SLC8A3: variants seen among roughly 807,000 people sequenced by gnomAD.
SLC8A3 encodes solute carrier family 8 member A3.
A neutral mutation model predicts 65.4 loss-of-function variants in SLC8A3; 37 were observed. The ratio of observed to expected loss-of-function variants is 0.57; its 90% confidence interval spans 0.44 to 0.74. SLC8A3 has a LOEUF of 0.74. SLC8A3 is among the 30% of genes least tolerant of loss of function. SLC8A3 has a pLI of 0.00. For missense variants in SLC8A3, 1,112 were observed against 1,172.1 expected, an observed-to-expected ratio of 0.95 and a Z score of 0.75; for synonymous variants, 461 against 444.5, an observed-to-expected ratio of 1.04 and a Z score of -0.47.
intron 2 of SLC8A3, among the ~76,000 whole-genome samples, chr14:70,166,390 A>T (rs925951074): frequency 6.6e-6 from 1 of 152,204 alleles, no homozygotes; most frequent in Non-Finnish European, 1.5e-5. Flanking sequence ...CAGAGAAGAA[A>T]ATGTTTTGTG....
At chr14:70,143,203 G>A (rs1306851801) in intron 2 of SLC8A3, among the ~76,000 whole-genome samples, 1 of 152,168 alleles carries the variant, frequency 6.6e-6, no homozygotes, top group Non-Finnish European at 1.5e-5. Context: ...TAAGTTTTGA[G>A]GGCCTAGCCC....
chr14:70,050,851 G>T (rs764094895), intron 5 of SLC8A3, among the ~76,000 whole-genome samples, 157 bp downstream of exon 5: 4 of 152,092 alleles, frequency 2.6e-5, no homozygotes, highest in Non-Finnish European at 5.9e-5. Flanking sequence ...TTTCAGATAC[G>T]CCATGATTCT....
chr14:70,098,221 T>C (rs1892316009), intron 2 of SLC8A3, among the ~76,000 whole-genome samples: 1 of 152,186 alleles, frequency 6.6e-6, no homozygotes, highest in Non-Finnish European at 1.5e-5. Context: ...ACCAGCCTCA[T>C]GCTCCCAAAA....
At chr14:70,092,678 G>A (rs1891885664) in intron 2 of SLC8A3, among the ~76,000 whole-genome samples, 1 of 152,182 alleles carries the variant, frequency 6.6e-6, no homozygotes, top group South Asian at 2.1e-4. Context: ...AACTGAAGAT[G>A]TGGGTCTGAG....
chr14:70,145,155 A>C lies in SLC8A3; in HGVS notation c.1784+21484T>G, dbSNP rs954890158. Among the ~76,000 whole-genome samples the C allele has an allele frequency of 2.0e-5, 3 of 152,248 alleles. No individual in the cohort carries two copies. The East Asian group carries it at 5.8e-4, about 29-fold the overall frequency. The stretch of plus-strand genomic sequence containing the variant: ...TAATTCTTATTATAAGATGTGGTTC[A>C]TATGAGGCATGAAAATTTATTGGAT... On this transcript the variant is annotated intron_variant, in intron 2 of 6. Transcript: ENST00000356921.
intron 1 of SLC8A3, among the ~76,000 whole-genome samples, chr14:70,179,829 T>C (rs972670716): frequency 5.9e-5 from 9 of 152,322 alleles, no homozygotes; most frequent in African/African-American, 1.9e-4. Flanking sequence ...ATTTAATCCT[T>C]CTTATGAGGA....
At chr14:70,120,369 T>C (rs2140179298) in intron 2 of SLC8A3, among the ~76,000 whole-genome samples, 1 of 152,332 alleles carries the variant, frequency 6.6e-6, no homozygotes, top group Non-Finnish European at 1.5e-5. Context: ...ACTTCTGAGT[T>C]TGAAGGTGGG....
chr14:70,114,100 G>A (rs187815982), intron 2 of SLC8A3, among the ~76,000 whole-genome samples: 5 of 152,262 alleles, frequency 3.3e-5, no homozygotes, highest in Non-Finnish European at 1.5e-5. Context: ...CCAGGTTATT[G>A]GATACTTAGA....
At chr14:70,090,592 G>T (rs1891737383) in intron 2 of SLC8A3, among the ~76,000 whole-genome samples, 1 of 152,128 alleles carries the variant, frequency 6.6e-6, no homozygotes, top group Non-Finnish European at 1.5e-5. Context: ...ATTCCTTCCT[G>T]CCACAGGAAG....
chr14:70,095,023 T>C (rs1594973988), intron 2 of SLC8A3, among the ~76,000 whole-genome samples: 1 of 152,224 alleles, frequency 6.6e-6, no homozygotes, highest in Non-Finnish European at 1.5e-5. Flanking sequence ...ACTAGCTGCT[T>C]ACCCTCTGAG....
rs139513175 is a variant in SLC8A3 at position 70,187,273 on chromosome 14, A to AAGAGAGAGAGAGAGAG, written c.-63+1090_-63+1105dup. 3.4e-5 allele frequency: 5 copies of AAGAGAGAGAGAGAGAG among 146,804 alleles called. 1 individual carries two copies. The East Asian group carries it at 9.8e-4, about 29-fold the overall frequency. The allele number at this position is 146,804 out of a possible 1,614,324, so 9.1% of individuals were successfully genotyped here. ...GCCAGGAAAGGGGGAGAGAGAGAGAAAGAGAGAGAGAGAGAGAGAGGAAAG... is the reference window on the plus strand; with the variant it reads ...GCCAGGAAAGGGGGAGAGAGAGAGAAAGAGAGAGAGAGAGAGAGAGAGAGAGAGAGAGAGAGGAAAG... On this transcript the variant is annotated intron_variant, in intron 1 of 6. Coordinates refer to ENST00000356921, the MANE Select transcript of SLC8A3 (RefSeq NM_182932.3).
chr14:70,092,810 G>C (rs577003137), intron 2 of SLC8A3, among the ~76,000 whole-genome samples: 1 of 152,136 alleles, frequency 6.6e-6, no homozygotes, highest in Non-Finnish European at 1.5e-5. Flanking sequence ...ATCATCCCTG[G>C]AACTTTCTTT....
intron 1 of SLC8A3, among the ~76,000 whole-genome samples, chr14:70,171,229 T>A (rs1238687283): frequency 1.3e-5 from 2 of 151,888 alleles, no homozygotes; most frequent in Non-Finnish European, 2.9e-5. Flanking sequence ...AGAGGGTGAG[T>A]ATCCATGGGG....
At chr14:70,080,075 T>C (rs1890920703) in intron 2 of SLC8A3, 1 of 985,072 alleles carries the variant, frequency 1.0e-6, no homozygotes, top group South Asian at 4.7e-5. Context: ...CAAGTGATGG[T>C]TCCCTTTCCT....
chr14:70,072,806 C>T (rs1594937106), intron 2 of SLC8A3, among the ~76,000 whole-genome samples: 1 of 152,166 alleles, frequency 6.6e-6, no homozygotes, highest in Non-Finnish European at 1.5e-5. Flanking sequence ...CGCCACTAAA[C>T]CCAGCTAATT....
chr14:70,046,466 CT>C lies in SLC8A3; in HGVS notation c.2390-144del. On this transcript the variant is annotated intron_variant, in intron 6 of 6. Transcript: ENST00000356921. The surrounding 1 kb of genome is among the most constrained non-coding windows in gnomAD (Gnocchi z 4.2). Reference sequence around the variant, plus strand: ...AGGGCTAGGGGGCCACTCCTAACTCCTAGTTCTGCCGCAAGCAAGCCGTGTG... The same window carrying C: ...AGGGCTAGGGGGCCACTCCTAACTCCAGTTCTGCCGCAAGCAAGCCGTGTG... 2 of 788,224 alleles carry C rather than the reference CT, an allele frequency of 2.5e-6. No individual in the cohort carries two copies. The highest frequency in any genetic ancestry group is 3.8e-5 in the South Asian group (2 of 52,248). 48.8% of individuals were successfully genotyped at this position (788,224 alleles called of 1,614,324 possible).
chr14:70,169,359 T>G (rs1165566603), intron 1 of SLC8A3, among the ~76,000 whole-genome samples: 1 of 152,132 alleles, frequency 6.6e-6, no homozygotes, highest in African/African-American at 2.4e-5. Context: ...AAAACCTGCT[T>G]ATGAGCAGTT....
chr14:70,109,183 CA>C (rs1468338068), intron 2 of SLC8A3, among the ~76,000 whole-genome samples: 2 of 141,522 alleles, frequency 1.4e-5, no homozygotes, highest in African/African-American at 5.3e-5. Context: ...CAGTTACTGG[CA>C]TGCAGAAGGT....
chr14:70,066,538 C>T (rs777691041), intron 2 of SLC8A3, among the ~76,000 whole-genome samples: 6 of 152,122 alleles, frequency 3.9e-5, no homozygotes, highest in Non-Finnish European at 5.9e-5. Context: ...TTGGCCAGCG[C>T]GGTGCCTCAC....
Sources: allele counts gnomAD v4.1 joint callset (sites outside exome capture counted in the v4.1 genomes callset), GRCh38; gene constraint gnomAD v4.1.1; non-coding constraint Gnocchi (gnomAD v3.1); transcripts MANE v1.5; gene names NCBI Gene and HGNC (gene_info 2026-07-23, HGNC 2026-07-21).